ZNF395: variants seen among roughly 807,000 people sequenced by gnomAD.
ZNF395 encodes the protein zinc finger protein 395, also known as HD gene regulatory region-binding protein 2.
In ZNF395, 20 loss-of-function variants were observed where a neutral mutation model predicts 57.7. The observed-to-expected ratio is 0.35, with a 90% CI of 0.24 to 0.50. The LOEUF is 0.50. Among genes scored for constraint, ZNF395 ranks in the 20% least tolerant of loss-of-function variants. The probability of loss-of-function intolerance (pLI) is 0.97; values close to 1 mark genes in which losing one functional copy is unlikely to be tolerated. For synonymous variants in ZNF395, 295 were observed against 275.9 expected (o/e 1.07, Z -0.69); for missense variants, 606 against 671.2 (o/e 0.90, Z 1.07).
intron 1 of ZNF395, among the ~76,000 whole-genome samples, chr8:28,370,112 G>A (rs1801959486): frequency 1.3e-5 from 2 of 152,120 alleles, no homozygotes; most frequent in African/African-American, 4.8e-5. Context: ...GGGGTTTTTA[G>A]AATGGAGCCC....
At chr8:28,376,191 TCTCGAACTGCTGGG>T (rs1802038260) in intron 1 of ZNF395, among the ~76,000 whole-genome samples, 1 of 149,632 alleles carries the variant, frequency 6.7e-6, no homozygotes, top group African/African-American at 2.5e-5. Flanking sequence ...CCCGGGCTGG[TCTCGAACTGCTGGG>T]CTCAATCAAT....
chr8:28,379,649 A>T (rs1802085697), intron 1 of ZNF395, among the ~76,000 whole-genome samples: 1 of 152,158 alleles, frequency 6.6e-6, no homozygotes, highest in Admixed American at 6.5e-5. Flanking sequence ...CTGGGGTCAA[A>T]GACTCTGTCT....
chr8:28,368,266 T>C (rs918751255), intron 1 of ZNF395, among the ~76,000 whole-genome samples: 10 of 152,260 alleles, frequency 6.6e-5, no homozygotes, highest in African/African-American at 2.4e-4. Context: ...GGTAAACTTC[T>C]AAGAGACCTG....
chr8:28,381,656 C>A (rs914467796), intron 1 of ZNF395, among the ~76,000 whole-genome samples: 7 of 152,094 alleles, frequency 4.6e-5, no homozygotes, highest in African/African-American at 1.7e-4. Flanking sequence ...CCAAATCAGC[C>A]TCGTCTGCTG....
rs533793085 is a variant in ZNF395 at position 28,345,922 on chromosome 8, A to C, written c.*2797T>G. 1 of 152,348 alleles carries C rather than the reference A, an allele frequency of 6.6e-6. No individual in the cohort carries two copies. The highest frequency in any genetic ancestry group is 2.1e-4 in the South Asian group (1 of 4,820). The allele number at this position is 152,348 out of a possible 1,614,324, so 9.4% of individuals were successfully genotyped here. A position where few individuals can be genotyped will look rare whatever the true frequency, so the allele number is the denominator to read the frequency against. On this transcript the variant is annotated 3_prime_UTR_variant, in exon 10 of 10. Transcript: ENST00000344423. ...AATGACAACGTGGCCATGGCTCAAA[A>C]CACTCTCTGAAATTACAAAATTGCT...
chr8:28,363,627 A>AAAAACAAAAC (rs755974298), intron 1 of ZNF395, among the ~76,000 whole-genome samples: 1 of 152,116 alleles, frequency 6.6e-6, no homozygotes, highest in Non-Finnish European at 1.5e-5. Flanking sequence ...TTCTTGGCCA[A>AAAAACAAAAC]AAAACAAAAC....
intron 1 of ZNF395, among the ~76,000 whole-genome samples, chr8:28,362,979 G>C (rs915452225): frequency 1.3e-5 from 2 of 152,132 alleles, no homozygotes; most frequent in African/African-American, 4.8e-5. Context: ...GAAATTCCTA[G>C]TTAGGTATCT....
chr8:28,368,251 T>C (rs1423075421), intron 1 of ZNF395, among the ~76,000 whole-genome samples: 5 of 152,112 alleles, frequency 3.3e-5, no homozygotes, highest in African/African-American at 4.8e-5. Context: ...TCTAGCAGTC[T>C]TCAGGGTAAA....
At chr8:28,350,578 T>C (rs1801669652) in intron 7 of ZNF395, among the ~76,000 whole-genome samples, 1 of 152,216 alleles carries the variant, frequency 6.6e-6, no homozygotes, top group Non-Finnish European at 1.5e-5. Context: ...AGTGTGCTCA[T>C]GGGTATCCAG....
chr8:28,379,842 TAA>T (rs748360582), intron 1 of ZNF395, among the ~76,000 whole-genome samples: 48 of 123,842 alleles, frequency 3.9e-4, no homozygotes, highest in Admixed American at 3.9e-4. Flanking sequence ...ATACAAACGT[TAA>T]AAAAAAAAAA....
chr8:28,351,445 CGTGATGA>C, intron 7 of ZNF395, 43 bp downstream of exon 7: 2 of 1,521,594 alleles, frequency 1.3e-6, no homozygotes, highest in Non-Finnish European at 1.8e-6. Flanking sequence ...CAAGCTGGCC[CGTGATGA>C]GTCAGCTATG....
chr8:28,360,852 A>T (rs1311765351), intron 2 of ZNF395, 33 bp downstream of exon 2: 1 of 1,608,056 alleles, frequency 6.2e-7, no homozygotes, highest in Non-Finnish European at 8.5e-7. Flanking sequence ...GACTGGCAAG[A>T]CGGGACACCT....
At position 28,352,519 on chromosome 8, in the gene ZNF395, G is replaced by A; in HGVS notation, c.920+54C>T. The A allele has an allele frequency of 2.0e-6, 3 of 1,522,994 alleles. No homozygotes were observed. The highest frequency in any genetic ancestry group is 1.7e-5 in the Admixed American group (1 of 59,632). The allele number at this position is 1,522,994 out of a possible 1,614,324, so 94.3% of individuals were successfully genotyped here. A position where few individuals can be genotyped will look rare whatever the true frequency, so the allele number is the denominator to read the frequency against. On this transcript the variant is annotated intron_variant, in intron 6 of 9. Coordinates refer to ENST00000344423, the MANE Select transcript of ZNF395 (RefSeq NM_018660.3). This position sits in a 1 kb window ranked among gnomAD's most constrained non-coding sequence, Gnocchi z 4.0. ...CTGTGGGTCACAGGGACTCGGCAGGGTGGAGGGACACCCACACGCGACCCT... is the reference window on the plus strand; with the variant it reads ...CTGTGGGTCACAGGGACTCGGCAGGATGGAGGGACACCCACACGCGACCCT...
At position 28,352,631 on chromosome 8, in the gene ZNF395, C is replaced by G. The variant is rs1330673196; in HGVS notation, c.862G>C (p.Gly288Arg). ...CCCACAATGGAGCGCAGAACTTTGCCACAGTTTGGCCACAGGCACTTGTAC... is the reference window on the plus strand; with the variant it reads ...CCCACAATGGAGCGCAGAACTTTGCGACAGTTTGGCCACAGGCACTTGTAC... ...VMYKCLWPNC[G>R]KVLRSIVGIK... The change falls in exon 6 of 10, where the codon GGC (glycine) becomes CGC (arginine). Residue 288 changes from glycine (G) to arginine (R), a missense_variant. Around this residue, in one of 3 missense-constraint regions of ZNF395, gnomAD observed 309 missense variants for 374.7 expected, o/e 0.82. Transcript: ENST00000344423. The surrounding 1 kb of genome is among the most constrained non-coding windows in gnomAD (Gnocchi z 4.0). The G allele has an allele frequency of 6.2e-7, 1 of 1,614,110 alleles. No individual in the cohort carries two copies. Among genetic ancestry groups the G allele is most frequent in the Non-Finnish European group, 8.5e-7 (1 of 1,180,034 alleles).
At position 28,352,866 on chromosome 8, in the gene ZNF395, T is replaced by TA. The variant is rs1801734258; in HGVS notation, c.820-194_820-193insT. ...GCCCCAATCTAAGAGATGGTCCTAG[T>TA]GGCCAACAGCAGTGCTCCATGCTGT... On this transcript the variant is annotated intron_variant, in intron 5 of 9. Coordinates refer to ENST00000344423, the MANE Select transcript of ZNF395 (RefSeq NM_018660.3). This position sits in a 1 kb window ranked among gnomAD's most constrained non-coding sequence, Gnocchi z 4.0. Among the ~76,000 whole-genome samples the TA allele has an allele frequency of 6.6e-6, 1 of 152,162 alleles. No homozygotes were observed. Among genetic ancestry groups the TA allele is most frequent in the Non-Finnish European group, 1.5e-5 (1 of 68,016 alleles).
At chr8:28,377,524 G>T (rs79219938) in intron 1 of ZNF395, among the ~76,000 whole-genome samples, 1 of 151,730 alleles carries the variant, frequency 6.6e-6, no homozygotes, top group Admixed American at 6.6e-5. Flanking sequence ...TCTCTTTATC[G>T]CTAAACTGAA....
At chr8:28,355,388 C>T (rs1801766668) in intron 4 of ZNF395, among the ~76,000 whole-genome samples, 1 of 151,730 alleles carries the variant, frequency 6.6e-6, no homozygotes, top group Non-Finnish European at 1.5e-5. Flanking sequence ...TATATTTCCA[C>T]TGACTTCAGC....
At chr8:28,363,102 G>A (rs1282063200) in intron 1 of ZNF395, among the ~76,000 whole-genome samples, 2 of 151,150 alleles carry the variant, frequency 1.3e-5, no homozygotes, top group Non-Finnish European at 2.9e-5. Context: ...GTATACCTAA[G>A]CTAAATTGGT....
At position 28,356,436 on chromosome 8, in the gene ZNF395, T is replaced by C. The variant is rs191693024; in HGVS notation, c.583+234A>G. Among the ~76,000 whole-genome samples the C allele has an allele frequency of 7.9e-5, 12 of 152,338 alleles. No homozygotes were observed. Among genetic ancestry groups the C allele is most frequent in the East Asian group, 7.7e-4 (4 of 5,190 alleles). ...CACTGGCCACTGCAGCTCAGTCCCATGCTCAACCATCTTCACAATGTACCA... is the reference window on the plus strand; with the variant it reads ...CACTGGCCACTGCAGCTCAGTCCCACGCTCAACCATCTTCACAATGTACCA... On this transcript the variant is annotated intron_variant, in intron 4 of 9. Coordinates refer to ENST00000344423, the MANE Select transcript of ZNF395 (RefSeq NM_018660.3). This position sits in a 1 kb window ranked among gnomAD's most constrained non-coding sequence, Gnocchi z 4.0.
Sources: allele counts gnomAD v4.1 joint callset (sites outside exome capture counted in the v4.1 genomes callset), GRCh38; gene constraint gnomAD v4.1.1; regional missense constraint gnomAD v4.1.1; non-coding constraint Gnocchi (gnomAD v3.1); transcripts MANE v1.5; gene names NCBI Gene and HGNC (gene_info 2026-07-23, HGNC 2026-07-21).